The following SYNJ1 variants were observed in gnomAD, a reference collection of about 807,000 sequenced individuals.
SYNJ1 encodes the protein synaptojanin 1, also known as polyphosphatidylinositol phosphatase SYNJ1.
In SYNJ1, 78 loss-of-function variants were observed where a neutral mutation model predicts 168.2. That is an observed-to-expected ratio of 0.46 (90% CI 0.39 to 0.56). The LOEUF (loss-of-function observed/expected upper bound fraction) is 0.56. SYNJ1 is among the 20% of genes least tolerant of loss of function. SYNJ1 has a pLI of 0.00. For synonymous variants in SYNJ1, 539 were observed against 548.6 expected, an observed-to-expected ratio of 0.98 and a Z score of 0.24; for missense variants, 1,303 against 1,597.6, an observed-to-expected ratio of 0.82 and a Z score of 3.14.
chr21:32,634,038 G>A (rs1226149630), intron 32 of SYNJ1, among the ~76,000 whole-genome samples: 1 of 152,124 alleles, frequency 6.6e-6, no homozygotes, highest in Non-Finnish European at 1.5e-5. Flanking sequence ...ACTTCTGTCT[G>A]AGACAAAATT....
At chr21:32,669,432 A>G (rs2041092550) in intron 15 of SYNJ1, among the ~76,000 whole-genome samples, 1 of 152,230 alleles carries the variant, frequency 6.6e-6, no homozygotes, top group Non-Finnish European at 1.5e-5. Context: ...GCAGTTACCA[A>G]TGCTGGTAAT....
In SYNJ1 at chr21:32,694,160, T is replaced by G. The variant is rs916402245; in HGVS notation, c.789+68A>C. The G allele has an allele frequency of 8.9e-6, 10 of 1,127,562 alleles. No individual in the cohort carries two copies. In the Admixed American group the frequency reaches 1.0e-4, roughly 11 times the overall value. The allele number at this position is 1,127,562 out of a possible 1,614,324, so 69.8% of individuals were successfully genotyped here. A position where few individuals can be genotyped will look rare whatever the true frequency, so the allele number is the denominator to read the frequency against. ...ACCATCAATGAATTAATTAATAAAC[T>G]ATCCAGAAAGTTTAGAAAATATGAA... On this transcript the variant is annotated intron_variant, in intron 6 of 32. Transcript: ENST00000674351.
intron 26 of SYNJ1, among the ~76,000 whole-genome samples, chr21:32,644,248 A>G (rs1412972367): frequency 1.3e-5 from 2 of 152,228 alleles, no homozygotes; most frequent in East Asian, 3.8e-4. Flanking sequence ...ATTCGGCAGA[A>G]GCTGTAATGC....
At chr21:32,684,006 C>G in intron 10 of SYNJ1, 32 bp downstream of exon 10, 3 of 1,587,604 alleles carry the variant, frequency 1.9e-6, no homozygotes, top group Non-Finnish European at 2.6e-6. Context: ...GCAGATGATA[C>G]AAGGCACATA....
Position 32,631,672 on chromosome 21 carries a change from T to C in SYNJ1, c.*133A>G. 6.2e-7 allele frequency: 1 copy of C among 1,614,108 alleles called. No individual in the cohort carries two copies. Among genetic ancestry groups the C allele is most frequent in the Non-Finnish European group, 8.5e-7 (1 of 1,180,014 alleles). On this transcript the variant is annotated 3_prime_UTR_variant, in exon 33 of 33. Transcript: ENST00000674351. The stretch of plus-strand genomic sequence containing the variant: ...TGAATCAACCTCTTTGGGTCTGGGG[T>C]GGGAACAGGTGACGTTTGAACAGAT...
chr21:32,703,756 G>A (rs1257473992), intron 2 of SYNJ1, among the ~76,000 whole-genome samples: 1 of 151,140 alleles, frequency 6.6e-6, no homozygotes, highest in Non-Finnish European at 1.5e-5. Flanking sequence ...TTTTGAGACA[G>A]AGGCTGGAGT....
chr21:32,723,442 G>C (rs2043323209), intron 2 of SYNJ1, among the ~76,000 whole-genome samples: 1 of 152,230 alleles, frequency 6.6e-6, no homozygotes, highest in South Asian at 2.1e-4. Context: ...ACCAAGTCCT[G>C]CTAAGGTCAC....
intron 32 of SYNJ1, among the ~76,000 whole-genome samples, chr21:32,633,574 T>A (rs1601205645): frequency 6.6e-6 from 1 of 152,136 alleles, no homozygotes; most frequent in East Asian, 1.9e-4. Flanking sequence ...TGTAATAAAA[T>A]GAGCACTGCC....
In SYNJ1 at chr21:32,632,562, T is replaced by C. The variant is rs563277077; in HGVS notation, c.*4-761A>G. On this transcript the variant is annotated intron_variant, in intron 32 of 32. Coordinates refer to ENST00000674351, the MANE Select transcript of SYNJ1 (RefSeq NM_203446.3). ...CACCAGGTCTAGCTAATTTTTTGTA[T>C]TTTAGTACAGATGGGGTTTCACTAT... Among the ~76,000 whole-genome samples, 10 of 152,196 alleles carry C rather than the reference T, an allele frequency of 6.6e-5. No homozygotes were observed. The East Asian group carries it at 1.9e-3, about 30-fold the overall frequency.
chr21:32,644,152 T>A (rs2039965356), intron 26 of SYNJ1, among the ~76,000 whole-genome samples: 3 of 151,500 alleles, frequency 2.0e-5, no homozygotes. Context: ...AGGGAAAAAT[T>A]AAATGTTTTC....
At chr21:32,726,947 G>A (rs1407539664) in intron 1 of SYNJ1, 30 bp from the exon 2 acceptor site, 1 of 1,609,458 alleles carries the variant, frequency 6.2e-7, no homozygotes, top group Non-Finnish European at 8.5e-7. Flanking sequence ...CAAAGCAAAT[G>A]AAGCTGATGT....
At position 32,690,829 on chromosome 21, in the gene SYNJ1, G is replaced by A. The variant is rs529440344; in HGVS notation, c.790-2462C>T. 2.0e-5 allele frequency among the ~76,000 whole-genome samples: 3 copies of A among 152,338 alleles called. No individual in the cohort carries two copies. In the South Asian group the frequency reaches 6.2e-4, roughly 32 times the overall value. On this transcript the variant is annotated intron_variant, in intron 6 of 32. Coordinates refer to ENST00000674351, the MANE Select transcript of SYNJ1 (RefSeq NM_203446.3). ...CCCAGCTACTCGGGATGCTGAGGTA[G>A]GAGAATCACTTGAAGCCGGGAGGCG...
At chr21:32,669,865 G>C (rs2041118305) in intron 15 of SYNJ1, among the ~76,000 whole-genome samples, 2 of 152,160 alleles carry the variant, frequency 1.3e-5, no homozygotes, top group African/African-American at 4.8e-5. Flanking sequence ...AGAAGTAGAT[G>C]TAAGAATCTG....
intron 30 of SYNJ1, 75 bp downstream of exon 30, chr21:32,639,596 C>T (rs2039738665): frequency 8.3e-7 from 1 of 1,205,518 alleles, no homozygotes; most frequent in Non-Finnish European, 1.2e-6. Flanking sequence ...GCGGGTCTCA[C>T]TATGTTGCCC....
chr21:32,643,294 A>G, intron 27 of SYNJ1, 116 bp downstream of exon 27: 1 of 1,060,280 alleles, frequency 9.4e-7, no homozygotes, highest in Non-Finnish European at 1.4e-6. Flanking sequence ...AGAAGTTTAC[A>G]GCTGGACCAA....
intron 18 of SYNJ1, among the ~76,000 whole-genome samples, chr21:32,659,026 G>A (rs1366895333): frequency 6.6e-6 from 1 of 151,888 alleles, no homozygotes; most frequent in Non-Finnish European, 1.5e-5. Context: ...AAAAGGTAAT[G>A]TGGTGCCCAA....
chr21:32,641,258 T>C (rs1177854350), intron 29 of SYNJ1, among the ~76,000 whole-genome samples: 5 of 152,232 alleles, frequency 3.3e-5, no homozygotes, highest in African/African-American at 1.2e-4. Context: ...CACTGATTAC[T>C]GGTTTCTATT....
At chr21:32,635,510 G>A (rs1231213125) in intron 31 of SYNJ1, among the ~76,000 whole-genome samples, 1 of 152,090 alleles carries the variant, frequency 6.6e-6, no homozygotes, top group Non-Finnish European at 1.5e-5. Context: ...CAGACTTCCA[G>A]CCTCCAAAAC....
At chr21:32,642,839 T>G (rs2041912391) in intron 27 of SYNJ1, among the ~76,000 whole-genome samples, 1 of 152,202 alleles carries the variant, frequency 6.6e-6, no homozygotes, top group Non-Finnish European at 1.5e-5. Flanking sequence ...TAAACTCTCC[T>G]TTTTGTAAAG....
Sources: gnomAD v4.1 joint callset for allele counts (sites outside exome capture counted in the v4.1 genomes callset) on GRCh38, gnomAD v4.1.1 for gene constraint, MANE v1.5 for transcripts, NCBI Gene and HGNC (gene_info 2026-07-23, HGNC 2026-07-21) for gene names.